Variants in CCDC192 observed in about 807,000 individuals in gnomAD.
CCDC192 encodes the protein coiled-coil domain containing 192, also known as coiled-coil domain-containing protein 192.
chr5:127,885,772 G>A (rs897115707), intron 6 of CCDC192, among the ~76,000 whole-genome samples: 2 of 152,052 alleles, frequency 1.3e-5, no homozygotes, highest in African/African-American at 2.4e-5. Context: ...GTGGGATAAT[G>A]TTATATGTAT....
chr5:127,709,202 G>GGGA (rs1247306394), intron 2 of CCDC192, among the ~76,000 whole-genome samples: 1 of 85,696 alleles, frequency 1.2e-5, no homozygotes, highest in Non-Finnish European at 2.1e-5. Context: ...GGAGAGAGGG[G>GGGA]GAGAGAGAGA....
intron 2 of CCDC192, among the ~76,000 whole-genome samples, chr5:127,719,932 C>T (rs1751923289): frequency 6.6e-6 from 1 of 151,910 alleles, no homozygotes; most frequent in South Asian, 2.1e-4. Context: ...CCGATCCAAT[C>T]ATCTCCCACC....
chr5:127,825,934 T>G (rs988095582), intron 5 of CCDC192, among the ~76,000 whole-genome samples: 4 of 152,226 alleles, frequency 2.6e-5, no homozygotes, highest in African/African-American at 9.6e-5. Context: ...TTGCATTTTT[T>G]GGGTTTAAAT....
At chr5:127,939,360 A>C (rs1754301916) in intron 6 of CCDC192, among the ~76,000 whole-genome samples, 1 of 151,658 alleles carries the variant, frequency 6.6e-6, no homozygotes, top group South Asian at 2.1e-4. Context: ...CAAGTAATCC[A>C]CCTGCTTCAG....
At chr5:127,792,103 G>A (rs1756898283) in intron 3 of CCDC192, among the ~76,000 whole-genome samples, 1 of 152,152 alleles carries the variant, frequency 6.6e-6, no homozygotes, top group Admixed American at 6.5e-5. Flanking sequence ...CTTGAGCTCA[G>A]GAATTTGAGA....
chr5:127,706,387 C>T (rs1051349175), intron 1 of CCDC192, among the ~76,000 whole-genome samples: 1 of 151,964 alleles, frequency 6.6e-6, no homozygotes, highest in Non-Finnish European at 1.5e-5. Context: ...ATTAGCTAGG[C>T]ATGGTGGCAT....
At chr5:127,918,726 G>A (rs374745827) in intron 6 of CCDC192, among the ~76,000 whole-genome samples, 7 of 152,154 alleles carry the variant, frequency 4.6e-5, no homozygotes, top group Non-Finnish European at 5.9e-5. Context: ...ACAGCTTTGC[G>A]TTTGGTTGAA....
intron 3 of CCDC192, chr5:127,787,079 C>A: frequency 4.0e-6 from 1 of 253,072 alleles, no homozygotes; most frequent in Non-Finnish European, 8.1e-6. Context: ...TGCAGCAATC[C>A]TTATTCAAAG....
chr5:127,909,613 C>G (rs1753290536), intron 6 of CCDC192, among the ~76,000 whole-genome samples: 1 of 151,884 alleles, frequency 6.6e-6, no homozygotes, highest in South Asian at 2.1e-4. Flanking sequence ...CATTCATTGT[C>G]ACATTGCTAG....
chr5:127,779,632 G>A (rs900866589), intron 3 of CCDC192, among the ~76,000 whole-genome samples: 3 of 152,138 alleles, frequency 2.0e-5, no homozygotes, highest in Non-Finnish European at 4.4e-5. Flanking sequence ...ACCCAATGCA[G>A]AACCCATGCA....
intron 2 of CCDC192, among the ~76,000 whole-genome samples, chr5:127,718,698 G>C (rs1343793147): frequency 6.6e-6 from 1 of 152,164 alleles, no homozygotes; most frequent in Non-Finnish European, 1.5e-5. Flanking sequence ...GATCAGGGAA[G>C]ACTGGGCAAG....
intron 5 of CCDC192, among the ~76,000 whole-genome samples, chr5:127,853,701 A>C (rs1281326791): frequency 1.3e-5 from 2 of 152,182 alleles, no homozygotes; most frequent in African/African-American, 4.8e-5. Context: ...TGAACTTGGG[A>C]GGCAGAGGTT....
At chr5:127,787,737 C>T (rs1054793817) in intron 3 of CCDC192, among the ~76,000 whole-genome samples, 16 of 152,032 alleles carry the variant, frequency 1.1e-4, no homozygotes, top group Non-Finnish European at 1.2e-4. Flanking sequence ...TGTCATACTA[C>T]GTCTGTTATG....
intron 5 of CCDC192, among the ~76,000 whole-genome samples, chr5:127,814,448 G>A (rs1214907597): frequency 6.6e-6 from 1 of 152,126 alleles, no homozygotes; most frequent in Non-Finnish European, 1.5e-5. Flanking sequence ...ACTCTGCCAT[G>A]GTAACCCTTG....
At chr5:127,709,401 T>A (rs1439705275) in intron 2 of CCDC192, among the ~76,000 whole-genome samples, 1 of 152,142 alleles carries the variant, frequency 6.6e-6, no homozygotes, top group Non-Finnish European at 1.5e-5. Flanking sequence ...CCTGCAACGC[T>A]GGGAATTATA....
chr5:127,712,826 C>A (rs1401020450), intron 2 of CCDC192, among the ~76,000 whole-genome samples: 1 of 152,162 alleles, frequency 6.6e-6, no homozygotes, highest in Non-Finnish European at 1.5e-5. Flanking sequence ...TTTGAAAAAC[C>A]TGCTAAACTG....
chr5:127,863,089 C>T (rs1402670658), intron 5 of CCDC192, among the ~76,000 whole-genome samples: 1 of 151,946 alleles, frequency 6.6e-6, no homozygotes, highest in African/African-American at 2.4e-5. Flanking sequence ...GCCTCTTTGG[C>T]AACAAAAACA....
chr5:127,779,927 C>CT (rs1395571258), intron 3 of CCDC192, among the ~76,000 whole-genome samples: 2 of 151,602 alleles, frequency 1.3e-5, no homozygotes, highest in Middle Eastern at 3.2e-3. Context: ...CTGTATTATT[C>CT]TTATACTTTT....
At position 127,909,927 on chromosome 5, in the gene CCDC192, C is replaced by T. The variant is rs144633579; in HGVS notation, c.536-31255C>T. Among the ~76,000 whole-genome samples the T allele has an allele frequency of 2.6e-5, 4 of 152,266 alleles. No homozygotes were observed. In the East Asian group the frequency reaches 7.7e-4, roughly 29 times the overall value. ...CCTCTTCTATGAAAAGGAATCAATA[C>T]AAGGATCAAATTTCCGTATTTTCAA... is the stretch of plus-strand genomic sequence containing the variant. On this transcript the variant is annotated intron_variant, in intron 6 of 6. Transcript: ENST00000514853.
Sources: gnomAD v4.1 joint callset for allele counts (sites outside exome capture counted in the v4.1 genomes callset) on GRCh38, gnomAD v4.1.1 for gene constraint, MANE v1.5 for transcripts, NCBI Gene and HGNC (gene_info 2026-07-23, HGNC 2026-07-21) for gene names.